Variants in NEDD4L observed in about 807,000 individuals in gnomAD.
NEDD4L encodes NEDD4 like E3 ubiquitin protein ligase, also known as E3 ubiquitin-protein ligase NEDD4-like.
In NEDD4L, 54 loss-of-function variants were observed where a neutral mutation model predicts 148.9. That is an observed-to-expected ratio of 0.36 (90% CI 0.29 to 0.45). The LOEUF (loss-of-function observed/expected upper bound fraction) is 0.45. Among genes scored for constraint, NEDD4L ranks in the 20% least tolerant of loss-of-function variants. The pLI is 1.00. For missense variants in NEDD4L, 856 were observed against 1,233.8 expected (o/e 0.69, Z 4.59); for synonymous variants, 433 against 440.7 (o/e 0.98, Z 0.22).
intron 1 of NEDD4L, among the ~76,000 whole-genome samples, chr18:58,084,515 A>G (rs1351689154): frequency 6.6e-6 from 1 of 152,218 alleles, no homozygotes; most frequent in Non-Finnish European, 1.5e-5. Flanking sequence ...AACACCACAC[A>G]CTGGGTGGCT....
At chr18:58,060,924 A>G (rs1399051186) in intron 1 of NEDD4L, among the ~76,000 whole-genome samples, 12 of 152,068 alleles carry the variant, frequency 7.9e-5, no homozygotes. Context: ...ACACCCAGCT[A>G]ATTGTTGTAT....
At chr18:58,315,786 C>T (rs982045632) in intron 5 of NEDD4L, among the ~76,000 whole-genome samples, 196 bp from the exon 6 acceptor site, 1 of 152,200 alleles carries the variant, frequency 6.6e-6, no homozygotes, top group Admixed American at 6.5e-5. Flanking sequence ...GACAGAATCT[C>T]AGCCAGCTCA....
intron 1 of NEDD4L, among the ~76,000 whole-genome samples, chr18:58,063,713 T>C (rs1453697668): frequency 7.4e-5 from 11 of 147,742 alleles, no homozygotes; most frequent in Middle Eastern, 3.6e-3. Flanking sequence ...CTACAGGCAC[T>C]CGCCACCATG....
chr18:58,143,444 T>C (rs1207344746), intron 1 of NEDD4L, among the ~76,000 whole-genome samples: 2 of 152,228 alleles, frequency 1.3e-5, no homozygotes, highest in Admixed American at 1.3e-4. Context: ...GGCCATTTAG[T>C]TTATTTCTGC....
chr18:58,220,040 A>C (rs1163635921), intron 2 of NEDD4L, among the ~76,000 whole-genome samples: 1 of 152,216 alleles, frequency 6.6e-6, no homozygotes, highest in Non-Finnish European at 1.5e-5. Context: ...TCTTGTTCTT[A>C]AATTTAGTCT....
intron 1 of NEDD4L, among the ~76,000 whole-genome samples, chr18:58,105,996 T>C (rs974324703): frequency 2.6e-5 from 4 of 152,252 alleles, no homozygotes; most frequent in African/African-American, 7.2e-5. Flanking sequence ...AGCAGCTAAA[T>C]GATTACTGCA....
chr18:58,236,589 T>G (rs557296470), intron 2 of NEDD4L, among the ~76,000 whole-genome samples: 8 of 152,194 alleles, frequency 5.3e-5, no homozygotes, highest in African/African-American at 1.9e-4. Flanking sequence ...CTCTAAGATC[T>G]TCCTTGCCAA....
At chr18:58,385,631 CG>C in intron 26 of NEDD4L, 45 bp downstream of exon 26, 1 of 1,494,042 alleles carries the variant, frequency 6.7e-7, no homozygotes, top group South Asian at 1.1e-5. Context: ...CCTCTGGTCC[CG>C]GGTCGATGGG....
intron 16 of NEDD4L, among the ~76,000 whole-genome samples, chr18:58,348,977 T>G (rs529215749): frequency 2.6e-5 from 4 of 152,308 alleles, no homozygotes; most frequent in African/African-American, 9.6e-5. Flanking sequence ...CATAACTTTG[T>G]GAGTTTGCCT....
Position 58,044,612 on chromosome 18 carries a change from C to G in NEDD4L, c.-49C>G. The G allele has an allele frequency of 6.4e-7, 1 of 1,557,908 alleles. No individual in the cohort carries two copies. Among genetic ancestry groups the G allele is most frequent in the South Asian group, 1.2e-5 (1 of 84,440 alleles). ...AGGGGAGAACCGGCCGTCCGCGCCG[C>G]AGCACAGCCGCTGGGAGCGCCTCAG... On this transcript the variant is annotated 5_prime_UTR_variant, in exon 1 of 31. Transcript: ENST00000400345.
chr18:58,303,777 A>G (rs2056764532), intron 5 of NEDD4L, among the ~76,000 whole-genome samples: 1 of 152,140 alleles, frequency 6.6e-6, no homozygotes, highest in Non-Finnish European at 1.5e-5. Context: ...GAAACAAATA[A>G]CTGTTTCACT....
intron 1 of NEDD4L, among the ~76,000 whole-genome samples, chr18:58,127,260 C>T (rs1294466182): frequency 6.6e-6 from 1 of 152,258 alleles, no homozygotes; most frequent in African/African-American, 2.4e-5. Context: ...TCCGTAGACA[C>T]ATGCGGCTAG....
chr18:58,065,892 C>T (rs1373666456), intron 1 of NEDD4L, among the ~76,000 whole-genome samples: 1 of 152,102 alleles, frequency 6.6e-6, no homozygotes, highest in Admixed American at 6.6e-5. Flanking sequence ...GGCAACTACT[C>T]CAGTAGGGAA....
chr18:58,256,647 T>A lies in NEDD4L; in HGVS notation c.297+4593T>A, dbSNP rs1182623002. ...CAGGGCCAGGGGTGCACATTTAAGA[T>A]CAGGCAGGATCAGAACGCGGGGCAG... is the stretch of plus-strand genomic sequence containing the variant. On this transcript the variant is annotated intron_variant, in intron 5 of 30. Transcript: ENST00000400345. This position sits in a 1 kb window ranked among gnomAD's most constrained non-coding sequence, Gnocchi z 5.2. 2 of 1,231,966 alleles carry A rather than the reference T, an allele frequency of 1.6e-6. No homozygotes were observed. Among genetic ancestry groups the A allele is most frequent in the Non-Finnish European group, 2.0e-6 (2 of 987,986 alleles). 76.3% of individuals were successfully genotyped at this position (1,231,966 alleles called of 1,614,324 possible).
intron 17 of NEDD4L, among the ~76,000 whole-genome samples, chr18:58,350,509 A>G (rs375998190): frequency 5.3e-5 from 8 of 152,192 alleles, no homozygotes; most frequent in African/African-American, 1.7e-4. Context: ...TCTTGAAAAA[A>G]TTCTCCAAAT....
chr18:58,097,321 C>T (rs2084477650), intron 1 of NEDD4L, among the ~76,000 whole-genome samples: 1 of 152,184 alleles, frequency 6.6e-6, no homozygotes, highest in Non-Finnish European at 1.5e-5. Context: ...CCATAGTTCG[C>T]AGTTGGCCGG....
In NEDD4L at chr18:58,287,050, A is replaced by G. The variant is rs145051311; in HGVS notation, c.298-28932A>G. 1.5e-3 allele frequency among the ~76,000 whole-genome samples: 221 copies of G among 152,178 alleles called. 1 individual carries two copies. Among genetic ancestry groups the G allele is most frequent in the African/African-American group, 5.0e-3 (208 of 41,538 alleles). The stretch of plus-strand genomic sequence containing the variant: ...AATTTAGTGTGCTTAGAGTGCTGAT[A>G]ATACTTGAGAAACTAGGAGAGCTGT... On this transcript the variant is annotated intron_variant, in intron 5 of 30. Transcript: ENST00000400345.
At chr18:58,120,669 A>G (rs1403716385) in intron 1 of NEDD4L, among the ~76,000 whole-genome samples, 1 of 152,098 alleles carries the variant, frequency 6.6e-6, no homozygotes, top group Non-Finnish European at 1.5e-5. Context: ...AGTCCCAGCT[A>G]CTCGGGAGGT....
In NEDD4L at chr18:58,236,880, C is replaced by T. The variant is rs143785945; in HGVS notation, c.123-8547C>T. 2.0e-5 allele frequency among the ~76,000 whole-genome samples: 3 copies of T among 151,834 alleles called. No individual in the cohort carries two copies. The East Asian group carries it at 5.8e-4, about 30-fold the overall frequency. On this transcript the variant is annotated intron_variant, in intron 2 of 30. Transcript: ENST00000400345. Reference sequence around the variant, plus strand: ...CTCTACTAAAAATACAATATTAGCCCGGCATGGTGGCGCATGACTGTAATC... The same window carrying T: ...CTCTACTAAAAATACAATATTAGCCTGGCATGGTGGCGCATGACTGTAATC...
Sources: allele counts gnomAD v4.1 joint callset (sites outside exome capture counted in the v4.1 genomes callset), GRCh38; gene constraint gnomAD v4.1.1; non-coding constraint Gnocchi (gnomAD v3.1); transcripts MANE v1.5; gene names NCBI Gene and HGNC (gene_info 2026-07-23, HGNC 2026-07-21).